Variants in PAM observed in about 807,000 individuals in gnomAD.
PAM encodes the protein peptidylglycine alpha-amidating monooxygenase, also known as peptidyl-glycine alpha-amidating monooxygenase.
PAM carries 72 observed loss-of-function variants against 122.1 expected under a neutral mutation model. The ratio of observed to expected loss-of-function variants is 0.59; its 90% CI spans 0.49 to 0.72. The LOEUF (loss-of-function observed/expected upper bound fraction) is 0.72. PAM is among the 30% of genes least tolerant of loss of function. The pLI, the probability that PAM is intolerant of heterozygous loss-of-function variation, is 0.00. For synonymous variants in PAM, 389 were observed against 404.4 expected (o/e 0.96, Z 0.46); for missense variants, 1,106 against 1,183.7 (o/e 0.93, Z 0.96).
intron 1 of PAM, among the ~76,000 whole-genome samples, chr5:102,838,797 TA>T (rs1222825995): frequency 1.3e-5 from 2 of 152,210 alleles, no homozygotes; most frequent in Non-Finnish European, 2.9e-5. Context: ...AATTCTGCAT[TA>T]AAATCTTGAT....
chr5:102,893,648 G>A (rs1359907795), intron 3 of PAM, among the ~76,000 whole-genome samples: 1 of 151,670 alleles, frequency 6.6e-6, no homozygotes, highest in East Asian at 1.9e-4. Flanking sequence ...CTAGTTCCCA[G>A]TGCATCATAA....
chr5:103,008,857 A>C (rs574425714), intron 20 of PAM, among the ~76,000 whole-genome samples: 2 of 152,286 alleles, frequency 1.3e-5, no homozygotes, highest in South Asian at 4.1e-4. Flanking sequence ...AAATATAAGA[A>C]GAAAATTATC....
At chr5:102,806,596 T>C (rs1561495851) in intron 1 of PAM, among the ~76,000 whole-genome samples, 1 of 152,156 alleles carries the variant, frequency 6.6e-6, no homozygotes, top group Non-Finnish European at 1.5e-5. Context: ...TATACACACA[T>C]ACACACACAC....
intron 5 of PAM, 60 bp downstream of exon 5, chr5:102,914,081 G>GATACACTTTGCAC: frequency 2.3e-6 from 2 of 852,124 alleles, no homozygotes; most frequent in Non-Finnish European, 4.1e-6. Context: ...CAAGTGCAAA[G>GATACACTTTGCAC]TGTATCTGTG....
chr5:102,861,700 G>A (rs1386870861), intron 1 of PAM, among the ~76,000 whole-genome samples: 1 of 152,176 alleles, frequency 6.6e-6, no homozygotes, highest in Non-Finnish European at 1.5e-5. Context: ...AGGTTATGTA[G>A]TAGAACATAT....
intron 3 of PAM, among the ~76,000 whole-genome samples, chr5:102,870,015 A>C (rs1786868588): frequency 6.6e-6 from 1 of 152,130 alleles, no homozygotes; most frequent in African/African-American, 2.4e-5. Flanking sequence ...CTAGACTATG[A>C]AGAAAGAACA....
chr5:102,843,830 A>G (rs1779285871), intron 1 of PAM, among the ~76,000 whole-genome samples: 1 of 152,222 alleles, frequency 6.6e-6, no homozygotes, highest in Non-Finnish European at 1.5e-5. Flanking sequence ...CCTATCACAC[A>G]GGTTAAAATT....
In PAM at chr5:102,789,352, C is replaced by T. The variant is rs565125319; in HGVS notation, c.-374+34004C>T. 3.3e-5 allele frequency among the ~76,000 whole-genome samples: 5 copies of T among 152,162 alleles called. No homozygotes were observed. The South Asian group carries it at 6.2e-4, about 19-fold the overall frequency. On this transcript the variant is annotated intron_variant, in intron 1 of 25. Transcript: ENST00000438793. ...ATTTGTATGCCAGTGTTTATTGTAG[C>T]ATTATTCGTAATAGCCAAAAGGTGG... is the stretch of plus-strand genomic sequence containing the variant.
At chr5:102,940,126 A>G (rs1465301417) in intron 7 of PAM, among the ~76,000 whole-genome samples, 4 of 149,700 alleles carry the variant, frequency 2.7e-5, no homozygotes, top group Non-Finnish European at 5.9e-5. Flanking sequence ...ACACACACAC[A>G]CACACACACA....
chr5:102,850,764 T>C (rs182239736), intron 1 of PAM, among the ~76,000 whole-genome samples: 9 of 152,296 alleles, frequency 5.9e-5, no homozygotes, highest in African/African-American at 1.9e-4. Flanking sequence ...GCTGCACAGC[T>C]GTGGGGAACG....
intron 16 of PAM, among the ~76,000 whole-genome samples, chr5:102,994,961 T>C (rs1330425879): frequency 6.6e-6 from 1 of 152,186 alleles, no homozygotes; most frequent in African/African-American, 2.4e-5. Context: ...TCTAGGAATC[T>C]TCTTCCCTCC....
intron 1 of PAM, among the ~76,000 whole-genome samples, chr5:102,783,345 C>T (rs891139533): frequency 6.6e-6 from 1 of 152,012 alleles, no homozygotes; most frequent in Non-Finnish European, 1.5e-5. Flanking sequence ...TTTCTATCAC[C>T]ATAAATTAGT....
At chr5:102,971,827 A>T (rs1765918933) in intron 14 of PAM, among the ~76,000 whole-genome samples, 1 of 152,290 alleles carries the variant, frequency 6.6e-6, no homozygotes, top group African/African-American at 2.4e-5. Context: ...ATTCCATATT[A>T]TATCTAGTAC....
At chr5:102,831,923 C>G (rs1468831321) in intron 1 of PAM, among the ~76,000 whole-genome samples, 2 of 151,684 alleles carry the variant, frequency 1.3e-5, no homozygotes, top group African/African-American at 4.8e-5. Context: ...CATACATGTA[C>G]TACACCAGTC....
At chr5:102,845,144 A>G (rs775088959) in intron 1 of PAM, among the ~76,000 whole-genome samples, 13 of 152,236 alleles carry the variant, frequency 8.5e-5, no homozygotes, top group Non-Finnish European at 1.5e-4. Flanking sequence ...TGGGCCACAC[A>G]TTGAGCAGCT....
intron 1 of PAM, among the ~76,000 whole-genome samples, chr5:102,836,246 A>G (rs1417997317): frequency 6.6e-6 from 1 of 152,186 alleles, no homozygotes. Flanking sequence ...TTCAATTATA[A>G]TATTCCCTGT....
intron 1 of PAM, among the ~76,000 whole-genome samples, chr5:102,762,438 G>GTGCC (rs1752608757): frequency 6.6e-6 from 1 of 152,122 alleles, no homozygotes; most frequent in South Asian, 2.1e-4. Flanking sequence ...AACTGTTGGT[G>GTGCC]TGCCCTCTTC....
intron 16 of PAM, among the ~76,000 whole-genome samples, chr5:102,998,748 TA>T (rs888705997): frequency 5.9e-5 from 9 of 152,098 alleles, no homozygotes; most frequent in African/African-American, 1.7e-4. Context: ...AAATTTCCAT[TA>T]AAAAAAGAGG....
intron 24 of PAM, among the ~76,000 whole-genome samples, chr5:103,027,057 G>T (rs1050220659): frequency 6.6e-6 from 1 of 152,140 alleles, no homozygotes; most frequent in Non-Finnish European, 1.5e-5. Context: ...AAAAATTGCA[G>T]TTTCATATGT....
Sources: gnomAD v4.1 joint callset for allele counts (sites outside exome capture counted in the v4.1 genomes callset) on GRCh38, gnomAD v4.1.1 for gene constraint, MANE v1.5 for transcripts, NCBI Gene and HGNC (gene_info 2026-07-23, HGNC 2026-07-21) for gene names.